The following HLCS variants were observed in gnomAD, a reference collection of about 807,000 sequenced individuals.
The protein encoded by HLCS is biotin--protein ligase.
Under a neutral mutation model 75.0 loss-of-function variants are expected in HLCS, and 53 were observed. That is an observed-to-expected ratio of 0.71 (90% confidence interval 0.57 to 0.89). HLCS has a LOEUF of 0.89. Ranked by LOEUF, HLCS falls within the 40% of genes least tolerant of loss-of-function variation. The pLI is 0.00. For missense variants in HLCS, 966 were observed against 1,074.0 expected (o/e 0.90, Z 1.41); for synonymous variants, 431 against 428.6 (o/e 1.01, Z -0.07).
At chr21:36,966,255 G>A (rs898104629) in intron 1 of HLCS, among the ~76,000 whole-genome samples, 189 bp downstream of exon 1, 7 of 152,136 alleles carry the variant, frequency 4.6e-5, no homozygotes, top group Admixed American at 1.3e-4. Context: ...CGGGTCCGTG[G>A]TCCGAGTCCC....
intron 2 of HLCS, chr21:36,946,064 A>G: frequency 1.0e-6 from 1 of 976,962 alleles, no homozygotes; most frequent in East Asian, 1.1e-4. Context: ...CCTGGGCCAC[A>G]AGGGTGCTCT....
At chr21:36,846,870 G>C (rs192537219) in intron 6 of HLCS, among the ~76,000 whole-genome samples, 3 of 152,182 alleles carry the variant, frequency 2.0e-5, no homozygotes, top group Admixed American at 1.3e-4. Context: ...ACCCCGTCTT[G>C]GCTCGATTGG....
At chr21:36,868,025 G>A (rs1417610905) in intron 6 of HLCS, among the ~76,000 whole-genome samples, 3 of 151,998 alleles carry the variant, frequency 2.0e-5, no homozygotes, top group African/African-American at 7.3e-5. Context: ...GGTGGCACAC[G>A]CCTGTAATCC....
At chr21:36,809,792 G>A (rs1021370160) in intron 6 of HLCS, among the ~76,000 whole-genome samples, 3 of 152,208 alleles carry the variant, frequency 2.0e-5, no homozygotes, top group Non-Finnish European at 2.9e-5. Flanking sequence ...AGGCTGGAGT[G>A]CAGTGGTGTG....
chr21:36,810,829 A>G (rs1041832), intron 6 of HLCS, among the ~76,000 whole-genome samples: 57,337 of 152,060 alleles, frequency 0.38, 11,087 homozygotes, highest in South Asian at 0.42. Flanking sequence ...CGCCTGGAAT[A>G]CCTTATTATG....
chr21:36,847,381 T>G (rs1372088980), intron 6 of HLCS, among the ~76,000 whole-genome samples: 1 of 152,202 alleles, frequency 6.6e-6, no homozygotes, highest in Non-Finnish European at 1.5e-5. Flanking sequence ...CAGACTCGTT[T>G]CTATGAATCA....
chr21:36,830,531 T>G (rs2062166301), intron 6 of HLCS, among the ~76,000 whole-genome samples: 1 of 152,038 alleles, frequency 6.6e-6, no homozygotes, highest in South Asian at 2.1e-4. Context: ...CAGGTTTCAC[T>G]TTAGTAAAAG....
intron 6 of HLCS, among the ~76,000 whole-genome samples, chr21:36,797,384 ATATT>A (rs1460976912): frequency 1.3e-5 from 2 of 151,694 alleles, no homozygotes; most frequent in African/African-American, 2.4e-5. Flanking sequence ...ATTAGAAATA[ATATT>A]TATTTTTTAT....
intron 5 of HLCS, among the ~76,000 whole-genome samples, chr21:36,898,854 A>C (rs192877395): frequency 6.6e-6 from 1 of 152,126 alleles, no homozygotes; most frequent in Non-Finnish European, 1.5e-5. Context: ...TGAGCTCAAG[A>C]GTCTGAGACC....
intron 6 of HLCS, among the ~76,000 whole-genome samples, chr21:36,881,774 C>T (rs188823470): frequency 6.6e-6 from 1 of 152,338 alleles, no homozygotes; most frequent in Admixed American, 6.5e-5. Flanking sequence ...GATGTCCATA[C>T]CCTGAGGAAC....
intron 1 of HLCS, among the ~76,000 whole-genome samples, chr21:36,964,982 A>T (rs2068490651): frequency 6.6e-6 from 1 of 152,230 alleles, no homozygotes; most frequent in Non-Finnish European, 1.5e-5. Flanking sequence ...TAATGCATGA[A>T]CTTCTTCCCC....
intron 6 of HLCS, among the ~76,000 whole-genome samples, chr21:36,886,154 A>T (rs1011654302): frequency 6.6e-6 from 1 of 151,988 alleles, no homozygotes. Context: ...GCTGTTGGCC[A>T]GGCACCGTGG....
chr21:36,851,020 G>A (rs563680406), intron 6 of HLCS, among the ~76,000 whole-genome samples: 2 of 152,270 alleles, frequency 1.3e-5, no homozygotes, highest in African/African-American at 4.8e-5. Flanking sequence ...TAGGAACTGT[G>A]TACTCCAAAA....
intron 9 of HLCS, among the ~76,000 whole-genome samples, chr21:36,758,570 C>G (rs544996591): frequency 6.6e-6 from 1 of 152,280 alleles, no homozygotes; most frequent in East Asian, 1.9e-4. Context: ...AGCCACTACG[C>G]CTGGCCTTCG....
intron 5 of HLCS, among the ~76,000 whole-genome samples, chr21:36,901,608 G>A (rs1239014557): frequency 6.6e-6 from 1 of 152,150 alleles, no homozygotes; most frequent in Admixed American, 6.6e-5. Context: ...TTCTGGTGCC[G>A]CTGGCACTCC....
At position 36,749,500 on chromosome 21, in the gene HLCS, C is replaced by G. The variant is rs959144506; in HGVS notation, c.*4746G>C. On this transcript the variant is annotated 3_prime_UTR_variant, in exon 11 of 11. Coordinates refer to ENST00000674895, the MANE Select transcript of HLCS (RefSeq NM_001352514.2). ...TGTGTCACTTAGTGAGGACCTGACA[C>G]AATCCCTACAGGGTGTCTGTCAGTG... 1 of 147,984 alleles carries G rather than the reference C, an allele frequency of 6.8e-6. No homozygotes were observed. The highest frequency in any genetic ancestry group is 1.5e-5 in the Non-Finnish European group (1 of 67,686). 9.2% of individuals were successfully genotyped at this position (147,984 alleles called of 1,614,324 possible). A position where few individuals can be genotyped will look rare whatever the true frequency, so the allele number is the denominator to read the frequency against.
At chr21:36,988,988 G>A (rs1312410879) in intron 1 of HLCS, among the ~76,000 whole-genome samples, 2 of 151,192 alleles carry the variant, frequency 1.3e-5, no homozygotes, top group East Asian at 3.9e-4. Flanking sequence ...ATCAATGGTA[G>A]GGGATTTTTT....
intron 5 of HLCS, among the ~76,000 whole-genome samples, chr21:36,927,684 T>C (rs1214027785): frequency 6.6e-6 from 1 of 152,142 alleles, no homozygotes; most frequent in African/African-American, 2.4e-5. Flanking sequence ...GCCACCAATA[T>C]AATGGAAAAC....
intron 5 of HLCS, among the ~76,000 whole-genome samples, chr21:36,903,760 A>G (rs1455826041): frequency 1.3e-5 from 2 of 152,214 alleles, no homozygotes; most frequent in Non-Finnish European, 2.9e-5. Context: ...TGGTAGAAAG[A>G]GAAGAGGAAG....
Sources: allele counts gnomAD v4.1 joint callset (sites outside exome capture counted in the v4.1 genomes callset), GRCh38; gene constraint gnomAD v4.1.1; transcripts MANE v1.5; gene names NCBI Gene and HGNC (gene_info 2026-07-23, HGNC 2026-07-21).